Variants in SSBP3 observed in about 807,000 individuals in gnomAD.
SSBP3 encodes single-stranded DNA-binding protein 3.
Under a neutral mutation model 69.6 loss-of-function variants are expected in SSBP3, and 5 were observed. The observed-to-expected ratio is 0.07, with a 90% CI of 0.04 to 0.15. The LOEUF (loss-of-function observed/expected upper bound fraction) is 0.15. Ranked by LOEUF, SSBP3 falls within the 10% of genes least tolerant of loss-of-function variation. The probability of loss-of-function intolerance (pLI) is 1.00; values close to 1 mark genes in which losing one functional copy is unlikely to be tolerated. For missense variants in SSBP3, 312 were observed against 534.0 expected (o/e 0.58, Z 4.10); for synonymous variants, 196 against 193.4 (o/e 1.01, Z -0.11).
At chr1:54,354,674 C>T (rs941576673) in intron 4 of SSBP3, among the ~76,000 whole-genome samples, 1 of 152,112 alleles carries the variant, frequency 6.6e-6, no homozygotes, top group Non-Finnish European at 1.5e-5. Flanking sequence ...AAGCTCCTCT[C>T]CAGCCCACTC....
chr1:54,234,585 TA>T (rs1484376168), intron 14 of SSBP3, among the ~76,000 whole-genome samples: 1 of 152,004 alleles, frequency 6.6e-6, no homozygotes, highest in African/African-American at 2.4e-5. Flanking sequence ...ACCCTATCTC[TA>T]AACAGACAAA....
intron 4 of SSBP3, among the ~76,000 whole-genome samples, chr1:54,294,161 AAGAAAGAAAGAAAG>A (rs1361144996): frequency 1.3e-4 from 9 of 70,470 alleles, no homozygotes; most frequent in African/African-American, 4.5e-4. Context: ...AAAAAAAAAA[AAGAAAGAAAGAAAG>A]AAAGAAAGAA....
chr1:54,286,837 T>G (rs937664343), intron 4 of SSBP3: 1 of 152,228 alleles, frequency 6.6e-6, no homozygotes, highest in Non-Finnish European at 1.5e-5. Context: ...GGACATCTAC[T>G]GCCCCACCTC....
chr1:54,345,919 A>G (rs1396029603), intron 4 of SSBP3, among the ~76,000 whole-genome samples: 1 of 151,652 alleles, frequency 6.6e-6, no homozygotes, highest in East Asian at 1.9e-4. Context: ...ACGCGGGTGG[A>G]TCACTTGAGG....
At chr1:54,382,376 G>A (rs201704547) in intron 4 of SSBP3, among the ~76,000 whole-genome samples, 2 of 152,224 alleles carry the variant, frequency 1.3e-5, no homozygotes, top group East Asian at 3.8e-4. Context: ...CACCCAGCCA[G>A]TTAGCATTTT....
intron 4 of SSBP3, among the ~76,000 whole-genome samples, chr1:54,391,499 G>C (rs926794079): frequency 6.6e-6 from 1 of 152,188 alleles, no homozygotes; most frequent in Non-Finnish European, 1.5e-5. Context: ...AGCTCAAAGC[G>C]CTGCAGCAGT....
intron 9 of SSBP3, among the ~76,000 whole-genome samples, chr1:54,245,675 G>A (rs952287096): frequency 6.6e-6 from 1 of 152,182 alleles, no homozygotes; most frequent in Non-Finnish European, 1.5e-5. Flanking sequence ...GGCAGGCCCC[G>A]CCTCACCCTG....
At chr1:54,365,301 G>A (rs556243443) in intron 4 of SSBP3, among the ~76,000 whole-genome samples, 1 of 152,316 alleles carries the variant, frequency 6.6e-6, no homozygotes, top group African/African-American at 2.4e-5. Context: ...GACAGGGTGA[G>A]GACATGCTCT....
At chr1:54,394,992 C>T (rs557744512) in intron 4 of SSBP3, among the ~76,000 whole-genome samples, 207 of 151,772 alleles carry the variant, frequency 1.4e-3, no homozygotes, top group Non-Finnish European at 2.5e-3. Flanking sequence ...CGTGAGCCAC[C>T]GCGCCCGGCT....
At chr1:54,346,068 C>T (rs1202452393) in intron 4 of SSBP3, among the ~76,000 whole-genome samples, 1 of 151,460 alleles carries the variant, frequency 6.6e-6, no homozygotes, top group African/African-American at 2.4e-5. Context: ...GAGGCTGAGA[C>T]AGGAGAATCG....
At chr1:54,305,852 A>G (rs1367379732) in intron 4 of SSBP3, among the ~76,000 whole-genome samples, 1 of 147,758 alleles carries the variant, frequency 6.8e-6, no homozygotes, top group Non-Finnish European at 1.5e-5. Context: ...CTTGCTTTCT[A>G]TCTAGCAGCC....
At chr1:54,299,872 G>A (rs926204808) in intron 4 of SSBP3, among the ~76,000 whole-genome samples, 1 of 152,040 alleles carries the variant, frequency 6.6e-6, no homozygotes, top group African/African-American at 2.4e-5. Context: ...GCTCAGCCGA[G>A]GCCTTCAGGA....
At position 54,234,916 on chromosome 1, in the gene SSBP3, T is replaced by C. The variant is rs572485844; in HGVS notation, c.927+4213A>G. The stretch of plus-strand genomic sequence containing the variant: ...GTAGCTGACTACAGGCATACACCAC[T>C]GTACCCAGCTTAGAACACCTTTCTT... On this transcript the variant is annotated intron_variant, in intron 14 of 17. Transcript: ENST00000610401. Among the ~76,000 whole-genome samples, 98 of 152,232 alleles carry C rather than the reference T, an allele frequency of 6.4e-4. 1 individual carries two copies. Among genetic ancestry groups the C allele is most frequent in the African/African-American group, 2.3e-3 (94 of 41,546 alleles).
intron 4 of SSBP3, among the ~76,000 whole-genome samples, chr1:54,391,046 T>TGGCACA (rs1248742505): frequency 6.6e-6 from 1 of 152,244 alleles, no homozygotes; most frequent in Non-Finnish European, 1.5e-5. Flanking sequence ...TCCTAAAGGA[T>TGGCACA]GGCACAGACA....
rs555017264 is a variant in SSBP3, at chr1:54,242,335, G to A, written c.717-123C>T. 570 of 1,111,276 alleles carry A rather than the reference G, an allele frequency of 5.1e-4. 6 individuals carry two copies. In the South Asian group the frequency reaches 7.4e-3, roughly 14 times the overall value. 68.8% of individuals were successfully genotyped at this position (1,111,276 alleles called of 1,614,324 possible). ...CAGGAAGTCCTTCCTACAGCCCTGCGGTTTAGAGCCTTCTGGCTCAGGGCA... is the reference window on the plus strand; with the variant it reads ...CAGGAAGTCCTTCCTACAGCCCTGCAGTTTAGAGCCTTCTGGCTCAGGGCA... On this transcript the variant is annotated intron_variant, in intron 10 of 17. Coordinates refer to ENST00000610401, the Ensembl canonical transcript of SSBP3.
intron 14 of SSBP3, among the ~76,000 whole-genome samples, chr1:54,235,629 T>A (rs188690548): frequency 2.0e-5 from 3 of 151,676 alleles, no homozygotes; most frequent in African/African-American, 7.3e-5. Flanking sequence ...ATTTTCGTAT[T>A]TTTAGTAGAG....
chr1:54,291,706 A>G (rs1645611369), intron 4 of SSBP3, among the ~76,000 whole-genome samples: 1 of 152,244 alleles, frequency 6.6e-6, no homozygotes, highest in African/African-American at 2.4e-5. Flanking sequence ...CTGCCTGCTC[A>G]GAGGGTTTAG....
intron 4 of SSBP3, among the ~76,000 whole-genome samples, chr1:54,369,571 A>G (rs907247767): frequency 5.3e-5 from 8 of 152,180 alleles, no homozygotes; most frequent in African/African-American, 1.7e-4. Flanking sequence ...TGAAGGAAAG[A>G]CTGGAGGTGA....
intron 4 of SSBP3, among the ~76,000 whole-genome samples, chr1:54,399,753 T>A (rs1246507236): frequency 1.3e-5 from 2 of 152,156 alleles, no homozygotes; most frequent in Non-Finnish European, 2.9e-5. Flanking sequence ...AGAGACTAGA[T>A]GAAGACTGGA....
Sources: gnomAD v4.1 joint callset for allele counts (sites outside exome capture counted in the v4.1 genomes callset) on GRCh38, gnomAD v4.1.1 for gene constraint, MANE v1.5 for transcripts, NCBI Gene and HGNC (gene_info 2026-07-23, HGNC 2026-07-21) for gene names.